Variants in ST13 observed in about 807,000 individuals in gnomAD.
ST13 encodes the protein ST13 Hsp70 interacting protein.
Under a neutral mutation model 56.7 loss-of-function variants are expected in ST13, and 23 were observed. That is an observed-to-expected ratio of 0.41 (90% CI 0.29 to 0.57). ST13 has a LOEUF of 0.57. Ranked by LOEUF, ST13 falls within the 20% of genes least tolerant of loss-of-function variation. The pLI, the probability that ST13 is intolerant of heterozygous loss-of-function variation, is 0.36. For synonymous variants in ST13, 132 were observed against 142.4 expected (o/e 0.93, Z 0.52); for missense variants, 369 against 459.9 (o/e 0.80, Z 1.81).
chr22:40,849,278 C>A (rs1237575327), intron 2 of ST13, among the ~76,000 whole-genome samples: 1 of 151,902 alleles, frequency 6.6e-6, no homozygotes, highest in Non-Finnish European at 1.5e-5. Context: ...GAGATTGAGA[C>A]CATCCTGGCT....
intron 7 of ST13, among the ~76,000 whole-genome samples, chr22:40,834,303 A>G (rs1186506554): frequency 6.6e-6 from 1 of 152,158 alleles, no homozygotes; most frequent in African/African-American, 2.4e-5. Context: ...AGACAAAGCA[A>G]AACAAAAACT....
chr22:40,847,993 G>T (rs542615963), intron 3 of ST13, among the ~76,000 whole-genome samples: 1 of 152,196 alleles, frequency 6.6e-6, no homozygotes, highest in Admixed American at 6.5e-5. Flanking sequence ...GTTGCAGTGA[G>T]CCGAGATTGT....
rs1310671637 is a variant in ST13 at position 40,826,574 on chromosome 22, G to A, written c.1074C>T (p.Ile358=). Residue 358 remains isoleucine (I), a synonymous_variant, in exon 12 of 12, where the codon ATC becomes ATT. Coordinates refer to ENST00000216218, the MANE Select transcript of ST13 (RefSeq NM_003932.5). ...YQSNPKVMNL[I]SKLSAKFGGQ... is the part of the protein sequence containing the mutation. The stretch of plus-strand genomic sequence containing the variant: ...CTCCAAATTTGGCTGACAATTTACT[G>A]ATGAGATTCATAACCTTTGGGTTGC... 1.5e-5 allele frequency: 24 copies of A among 1,600,490 alleles called. No homozygotes were observed. The highest frequency in any genetic ancestry group is 1.9e-5 in the Non-Finnish European group (22 of 1,179,732).
Position 40,856,428 on chromosome 22 carries a change from C to T in ST13, c.110+3G>A. ...CCCAACGGTCCTCAGGCCTGGGTCT[C>T]ACCTCTCCACCCACTCCCTCAGGAA... On this transcript the variant is annotated splice_donor_region_variant and intron_variant, in intron 1 of 11. Transcript: ENST00000216218. 14 of 1,611,008 alleles carry T rather than the reference C, an allele frequency of 8.7e-6. No individual in the cohort carries two copies. Among genetic ancestry groups the T allele is most frequent in the Non-Finnish European group, 1.2e-5 (14 of 1,177,260 alleles).
intron 1 of ST13, among the ~76,000 whole-genome samples, chr22:40,855,634 T>G (rs1320767704): frequency 6.6e-6 from 1 of 152,202 alleles, no homozygotes; most frequent in Non-Finnish European, 1.5e-5. Context: ...CGGTGCTCCT[T>G]CAACACATAA....
At chr22:40,848,181 C>A (rs1227453789) in intron 3 of ST13, 113 bp downstream of exon 3, 1 of 694,240 alleles carries the variant, frequency 1.4e-6, no homozygotes, top group African/African-American at 1.8e-5. Context: ...TTCTAAGTTT[C>A]ATATGTGCCA....
intron 4 of ST13, among the ~76,000 whole-genome samples, chr22:40,841,741 G>A (rs972413872): frequency 6.7e-6 from 1 of 148,824 alleles, no homozygotes; most frequent in South Asian, 2.2e-4. Flanking sequence ...CTACATGCTC[G>A]CAACCTACTA....
intron 5 of ST13, among the ~76,000 whole-genome samples, chr22:40,839,462 A>G (rs907189757): frequency 2.6e-5 from 4 of 152,186 alleles, no homozygotes; most frequent in African/African-American, 9.7e-5. Flanking sequence ...CCGATCAAAC[A>G]TTACACTTAA....
intron 1 of ST13, among the ~76,000 whole-genome samples, chr22:40,853,801 C>G (rs947254587): frequency 2.0e-5 from 3 of 152,166 alleles, no homozygotes; most frequent in African/African-American, 7.2e-5. Flanking sequence ...CAAAGACACT[C>G]TCTTCGATCT....
chr22:40,855,478 C>A (rs1294517226), intron 1 of ST13, among the ~76,000 whole-genome samples: 1 of 152,154 alleles, frequency 6.6e-6, no homozygotes, highest in East Asian at 1.9e-4. Flanking sequence ...ACGTTCACAG[C>A]AGCACCTCTT....
intron 8 of ST13, among the ~76,000 whole-genome samples, chr22:40,831,874 G>T (rs1367201151): frequency 6.6e-6 from 1 of 151,978 alleles, no homozygotes; most frequent in Non-Finnish European, 1.5e-5. Flanking sequence ...GTTTTATTAA[G>T]ACAGCCTCGC....
Position 40,826,512 on chromosome 22 carries a change from C to T in ST13, c.*26G>A, listed in dbSNP as rs1372290586. 19 of 1,595,672 alleles carry T rather than the reference C, an allele frequency of 1.2e-5. No individual in the cohort carries two copies. In the Admixed American group the frequency reaches 2.0e-4, roughly 17 times the overall value. On this transcript the variant is annotated 3_prime_UTR_variant, in exon 12 of 12. Coordinates refer to ENST00000216218, the MANE Select transcript of ST13 (RefSeq NM_003932.5). ...GTGATCTAGGTTGCTTTTCCTTCAGCAAGGGCTTTATTTATCAGAAGGACA... is the reference window on the plus strand; with the variant it reads ...GTGATCTAGGTTGCTTTTCCTTCAGTAAGGGCTTTATTTATCAGAAGGACA...
chr22:40,849,573 A>T (rs539336836), intron 2 of ST13, among the ~76,000 whole-genome samples: 1 of 151,924 alleles, frequency 6.6e-6, no homozygotes. Flanking sequence ...AAGTCTAGGT[A>T]TTCTAGAATA....
At chr22:40,852,462 C>G (rs1275569647) in intron 1 of ST13, among the ~76,000 whole-genome samples, 3 of 152,170 alleles carry the variant, frequency 2.0e-5, no homozygotes, top group Non-Finnish European at 4.4e-5. Context: ...TTTCTCCCAC[C>G]CTGTAGGTTG....
chr22:40,849,222 A>T (rs2213782), intron 2 of ST13, among the ~76,000 whole-genome samples: 7,276 of 152,192 alleles, frequency 0.048, 562 homozygotes, highest in African/African-American at 0.16. Flanking sequence ...TCATGCCTGT[A>T]ATTCCAGCAC....
intron 5 of ST13, 83 bp from the exon 6 acceptor site, chr22:40,835,970 C>A: frequency 9.3e-7 from 1 of 1,075,844 alleles, no homozygotes. Flanking sequence ...CCAGTTAAGT[C>A]TTTTACATTT....
chr22:40,851,757 T>G (rs1377624751), intron 1 of ST13, among the ~76,000 whole-genome samples: 2 of 151,806 alleles, frequency 1.3e-5, no homozygotes, highest in African/African-American at 4.8e-5. Flanking sequence ...TCTTTTTTTT[T>G]TTTTTTGAGA....
chr22:40,840,996 C>A (rs2057801765), intron 4 of ST13, among the ~76,000 whole-genome samples: 1 of 152,074 alleles, frequency 6.6e-6, no homozygotes, highest in Admixed American at 6.5e-5. Context: ...AACCCAATCT[C>A]CTCACAAAAA....
rs755283701 is a variant in ST13, at chr22:40,827,195, G to A, written c.882C>T (p.Pro294=). 2.2e-5 allele frequency: 36 copies of A among 1,613,152 alleles called. No individual in the cohort carries two copies. The highest frequency in any genetic ancestry group is 2.6e-5 in the Non-Finnish European group (31 of 1,179,922). Residue 294 remains proline, a synonymous_variant, in exon 11 of 12, where the codon CCC becomes CCT. Transcript: ENST00000216218. Reference sequence around the variant, plus strand: ...CCCCTCCCATTCCAGGCATTCCTCCGGGAAAATTACCAGGCATTCCCCCAG... The same window carrying A: ...CCCCTCCCATTCCAGGCATTCCTCCAGGAAAATTACCAGGCATTCCCCCAG... ...GFPGGMPGNF[P]GGMPGMGGGM...
Sources: gnomAD v4.1 joint callset for allele counts (sites outside exome capture counted in the v4.1 genomes callset) on GRCh38, gnomAD v4.1.1 for gene constraint, MANE v1.5 for transcripts, NCBI Gene and HGNC (gene_info 2026-07-23, HGNC 2026-07-21) for gene names.